Variants in NCAM2 observed in about 807,000 individuals in gnomAD.
NCAM2 encodes the protein neural cell adhesion molecule 2.
A neutral mutation model predicts 98.1 loss-of-function variants in NCAM2; 30 were observed. The ratio of observed to expected loss-of-function variants is 0.31; its 90% CI spans 0.23 to 0.41. The LOEUF (loss-of-function observed/expected upper bound fraction) is 0.41. NCAM2 is among the 10% of genes least tolerant of loss of function. NCAM2 has a pLI of 1.00. For missense variants in NCAM2, 867 were observed against 1,005.8 expected (o/e 0.86, Z 1.87); for synonymous variants, 368 against 342.4 (o/e 1.07, Z -0.83).
intron 10 of NCAM2, among the ~76,000 whole-genome samples, chr21:21,413,245 A>G (rs983918040): frequency 2.6e-5 from 4 of 152,142 alleles, no homozygotes; most frequent in Non-Finnish European, 5.9e-5. Context: ...TTAGAATAAT[A>G]TTGTGCTTTG....
At chr21:21,321,072 C>G (rs2074362698) in intron 5 of NCAM2, among the ~76,000 whole-genome samples, 2 of 152,164 alleles carry the variant, frequency 1.3e-5, no homozygotes, top group Non-Finnish European at 2.9e-5. Context: ...TTAATCTGCT[C>G]TATCTATTCT....
Position 21,368,921 on chromosome 21 carries a change from G to A in NCAM2, c.1045-4942G>A, listed in dbSNP as rs115034458. Among the ~76,000 whole-genome samples the A allele has an allele frequency of 2.5e-4, 38 of 151,622 alleles. 1 individual carries two copies. Among genetic ancestry groups the A allele is most frequent in the Admixed American group, 2.0e-3 (30 of 15,150 alleles). ...CTATCCTGTCCATTTCCAATTGTTCGTAAAACACCCAATAACCTTCAACTG... is the reference window on the plus strand; with the variant it reads ...CTATCCTGTCCATTTCCAATTGTTCATAAAACACCCAATAACCTTCAACTG... On this transcript the variant is annotated intron_variant, in intron 8 of 17. Coordinates refer to ENST00000400546, the MANE Select transcript of NCAM2 (RefSeq NM_004540.5).
chr21:21,504,497 A>G (rs1987847642), intron 15 of NCAM2, among the ~76,000 whole-genome samples: 2 of 151,948 alleles, frequency 1.3e-5, no homozygotes, highest in Admixed American at 1.3e-4. Flanking sequence ...TATTGTGAAA[A>G]TACATCATTA....
intron 8 of NCAM2, among the ~76,000 whole-genome samples, chr21:21,356,987 C>CAATCAATAAATA (rs1555879919): frequency 6.9e-6 from 1 of 144,960 alleles, no homozygotes; most frequent in African/African-American, 2.6e-5. Context: ...GAAACTCCAT[C>CAATCAATAAATA]AATAAATAAA....
intron 12 of NCAM2, chr21:21,463,869 G>C (rs1030920717): frequency 1.3e-5 from 2 of 149,398 alleles, no homozygotes; most frequent in African/African-American, 5.0e-5. Context: ...TTTTTTGCTG[G>C]GGTATGTGGG....
chr21:21,200,507 C>A (rs1163966246), intron 1 of NCAM2, among the ~76,000 whole-genome samples: 1 of 151,002 alleles, frequency 6.6e-6, no homozygotes, highest in Non-Finnish European at 1.5e-5. Flanking sequence ...AAGATAGAAA[C>A]CAATAGGTGG....
intron 6 of NCAM2, among the ~76,000 whole-genome samples, chr21:21,331,900 T>TTTTATTTA (rs144997335): frequency 1.4e-5 from 2 of 146,906 alleles, no homozygotes; most frequent in Non-Finnish European, 3.0e-5. Flanking sequence ...TCCTGGGAAT[T>TTTTATTTA]TTTATTTATT....
intron 1 of NCAM2, among the ~76,000 whole-genome samples, chr21:21,184,830 A>G (rs2068587452): frequency 6.6e-6 from 1 of 152,120 alleles, no homozygotes; most frequent in South Asian, 2.1e-4. Context: ...GGAAGAGAAA[A>G]TGAATTTTAT....
chr21:21,124,028 A>C (rs1377712603), intron 1 of NCAM2, among the ~76,000 whole-genome samples: 3 of 151,574 alleles, frequency 2.0e-5, no homozygotes, highest in Admixed American at 1.3e-4. Flanking sequence ...TTGTATTTTT[A>C]GTAGAGACGG....
At chr21:21,335,329 T>C (rs1467374729) in intron 6 of NCAM2, among the ~76,000 whole-genome samples, 176 bp from the exon 7 acceptor site, 3 of 152,210 alleles carry the variant, frequency 2.0e-5, no homozygotes, top group African/African-American at 7.2e-5. Flanking sequence ...TATAATTTTA[T>C]TGTTTATTCG....
At chr21:21,293,767 G>T (rs958519600) in intron 5 of NCAM2, among the ~76,000 whole-genome samples, 6 of 151,598 alleles carry the variant, frequency 4.0e-5, no homozygotes, top group Admixed American at 2.0e-4. Context: ...TTATTGAATT[G>T]TCTACCATAC....
chr21:20,999,992 T>C (rs1216613156), intron 1 of NCAM2, among the ~76,000 whole-genome samples: 3 of 152,220 alleles, frequency 2.0e-5, no homozygotes, highest in Admixed American at 6.5e-5. Context: ...GTTTGTAAAG[T>C]GTCTTGATAA....
intron 12 of NCAM2, among the ~76,000 whole-genome samples, chr21:21,447,664 C>G (rs1456891266): frequency 6.6e-6 from 1 of 152,046 alleles, no homozygotes; most frequent in Non-Finnish European, 1.5e-5. Flanking sequence ...AGTCTGATAT[C>G]CATAATTTAC....
intron 14 of NCAM2, among the ~76,000 whole-genome samples, chr21:21,470,345 A>G (rs191116030): frequency 6.6e-6 from 1 of 152,210 alleles, no homozygotes; most frequent in East Asian, 1.9e-4. Flanking sequence ...TGTGGATTAG[A>G]ATTAATCTTT....
chr21:21,138,926 T>C (rs2826691), intron 1 of NCAM2, among the ~76,000 whole-genome samples: 64,277 of 151,956 alleles, frequency 0.42, 14,140 homozygotes, highest in African/African-American at 0.55. Flanking sequence ...GTTCAGGTTA[T>C]GGTATTTTAA....
At chr21:21,404,759 C>T (rs2076702678) in intron 9 of NCAM2, among the ~76,000 whole-genome samples, 1 of 151,284 alleles carries the variant, frequency 6.6e-6, no homozygotes, top group Admixed American at 6.6e-5. Context: ...TGTATATATT[C>T]ATATGTGTGT....
intron 6 of NCAM2, among the ~76,000 whole-genome samples, chr21:21,326,059 C>G (rs1044244617): frequency 6.6e-6 from 1 of 152,124 alleles, no homozygotes; most frequent in Non-Finnish European, 1.5e-5. Flanking sequence ...TGTAAAGGGG[C>G]TAGAAGTCTT....
intron 17 of NCAM2, among the ~76,000 whole-genome samples, chr21:21,536,876 T>A (rs1361697375): frequency 1.3e-5 from 2 of 152,032 alleles, no homozygotes; most frequent in Non-Finnish European, 2.9e-5. Context: ...TATTAAGAAA[T>A]AAAGTTGGTA....
At chr21:21,491,133 C>T (rs1280897217) in intron 15 of NCAM2, among the ~76,000 whole-genome samples, 2 of 151,666 alleles carry the variant, frequency 1.3e-5, no homozygotes, top group African/African-American at 2.4e-5. Context: ...TTTGGATAAC[C>T]CATACATCAT....
Sources: allele counts gnomAD v4.1 joint callset (sites outside exome capture counted in the v4.1 genomes callset), GRCh38; gene constraint gnomAD v4.1.1; transcripts MANE v1.5; gene names NCBI Gene and HGNC (gene_info 2026-07-23, HGNC 2026-07-21).